C8orf34: variants seen among roughly 807,000 people sequenced by gnomAD.
C8orf34 encodes uncharacterized protein C8orf34.
A neutral mutation model predicts 68.3 loss-of-function variants in C8orf34; 65 were observed. The observed-to-expected ratio is 0.95, with a 90% confidence interval of 0.78 to 1.17. C8orf34 has a LOEUF of 1.17. Ranked by LOEUF, C8orf34 falls within the 50% of genes most tolerant of loss-of-function variation. The pLI is 0.00. For synonymous variants in C8orf34, 244 were observed against 241.2 expected (o/e 1.01, Z -0.11); for missense variants, 664 against 655.4 (o/e 1.01, Z -0.14).
At chr8:68,790,516 A>G (rs1276470060) in intron 12 of C8orf34, among the ~76,000 whole-genome samples, 1 of 152,252 alleles carries the variant, frequency 6.6e-6, no homozygotes, top group African/African-American at 2.4e-5. Flanking sequence ...TAAAAATAAG[A>G]CTTAGCTCAA....
intron 3 of C8orf34, among the ~76,000 whole-genome samples, chr8:68,463,615 T>C (rs1047809481): frequency 6.6e-6 from 1 of 152,300 alleles, no homozygotes; most frequent in East Asian, 1.9e-4. Context: ...GCTTCATCCC[T>C]GGGATGCAAG....
In C8orf34 at chr8:68,776,404, A is replaced by G; in HGVS notation, c.1410A>G (p.Glu470=). ...CTCTTCCTCTTTACTTCTAGGGAGAAGCCTCCAGTGGAGTAGGACACTCAC... is the reference window on the plus strand; with the variant it reads ...CTCTTCCTCTTTACTTCTAGGGAGAGGCCTCCAGTGGAGTAGGACACTCAC... ...EKASKLTGPG[E]ASSGVGHSLK... The change falls in exon 11 of 14, where the codon GAA becomes GAG. Residue 470 remains glutamate (E), a synonymous_variant. Coordinates refer to ENST00000518698, the MANE Select transcript of C8orf34 (RefSeq NM_052958.4). The G allele has an allele frequency of 6.2e-7, 1 of 1,612,720 alleles. No homozygotes were observed. Among genetic ancestry groups the G allele is most frequent in the Non-Finnish European group, 8.5e-7 (1 of 1,178,928 alleles).
intron 12 of C8orf34, among the ~76,000 whole-genome samples, chr8:68,794,507 T>TATATATATATATATATATATACATA (rs1585894787): frequency 1.4e-5 from 1 of 69,282 alleles, no homozygotes. Flanking sequence ...ATATATATAT[T>TATATATATATATATATATATACATA]TTTTTTTTTT....
intron 4 of C8orf34, among the ~76,000 whole-genome samples, chr8:68,480,661 G>C (rs1303314701): frequency 6.6e-6 from 1 of 152,186 alleles, no homozygotes; most frequent in Non-Finnish European, 1.5e-5. Flanking sequence ...TGAGGAACTT[G>C]TTGGGAACTG....
At chr8:68,361,325 G>A (rs906032912) in intron 1 of C8orf34, among the ~76,000 whole-genome samples, 5 of 152,150 alleles carry the variant, frequency 3.3e-5, no homozygotes, top group African/African-American at 7.2e-5. Flanking sequence ...GCCTTTGTAC[G>A]CTGCATGGAC....
chr8:68,342,461 T>G (rs982442013), intron 1 of C8orf34, among the ~76,000 whole-genome samples: 1 of 152,142 alleles, frequency 6.6e-6, no homozygotes, highest in Non-Finnish European at 1.5e-5. Flanking sequence ...TAAGATCTAT[T>G]TATAGAATAC....
At chr8:68,357,953 G>A (rs149471867) in intron 1 of C8orf34, among the ~76,000 whole-genome samples, 186 of 152,084 alleles carry the variant, frequency 1.2e-3, no homozygotes, top group Non-Finnish European at 2.2e-3. Context: ...CCATTATCAT[G>A]GGCATTTATA....
At chr8:68,762,647 A>T (rs970030510) in intron 10 of C8orf34, among the ~76,000 whole-genome samples, 2 of 152,188 alleles carry the variant, frequency 1.3e-5, no homozygotes, top group African/African-American at 4.8e-5. Flanking sequence ...CATGTTCAGT[A>T]AGACCTCAAA....
chr8:68,804,995 G>A (rs1448299526), intron 12 of C8orf34, among the ~76,000 whole-genome samples: 3 of 152,158 alleles, frequency 2.0e-5, no homozygotes, highest in African/African-American at 7.2e-5. Context: ...GTCCCCTGAA[G>A]CAAAGAACTT....
intron 10 of C8orf34, among the ~76,000 whole-genome samples, chr8:68,770,443 A>G (rs1405974285): frequency 1.3e-5 from 2 of 152,258 alleles, no homozygotes; most frequent in African/African-American, 4.8e-5. Context: ...TCAATGGTAA[A>G]TGGATCTTTC....
intron 1 of C8orf34, among the ~76,000 whole-genome samples, chr8:68,399,478 CA>C (rs1299502058): frequency 2.0e-5 from 3 of 152,176 alleles, no homozygotes; most frequent in African/African-American, 7.2e-5. Context: ...TATGTCACTG[CA>C]AAAGACATGG....
chr8:68,465,278 A>G (rs1273914454), intron 3 of C8orf34, among the ~76,000 whole-genome samples: 1 of 151,318 alleles, frequency 6.6e-6, no homozygotes, highest in South Asian at 2.1e-4. Context: ...TTAGAATGGC[A>G]ATCATTAAAA....
chr8:68,641,300 A>T (rs1819002959), intron 8 of C8orf34, among the ~76,000 whole-genome samples: 1 of 152,218 alleles, frequency 6.6e-6, no homozygotes, highest in Non-Finnish European at 1.5e-5. Flanking sequence ...AAGCGTAGGA[A>T]AATCAAACCA....
intron 9 of C8orf34, among the ~76,000 whole-genome samples, chr8:68,720,629 A>G (rs1821643251): frequency 6.6e-6 from 1 of 151,848 alleles, no homozygotes; most frequent in South Asian, 2.1e-4. Flanking sequence ...AAGGAGTTCA[A>G]ACTCAACTAA....
chr8:68,790,676 G>T (rs973287955), intron 12 of C8orf34: 2 of 435,586 alleles, frequency 4.6e-6, no homozygotes, highest in African/African-American at 4.1e-5. Flanking sequence ...AAATTCAAGT[G>T]TGAAAAAACT....
chr8:68,677,647 T>C (rs534043578), intron 8 of C8orf34, among the ~76,000 whole-genome samples: 1 of 152,182 alleles, frequency 6.6e-6, no homozygotes, highest in Non-Finnish European at 1.5e-5. Context: ...TGAGCCACCA[T>C]GCCTGGCCCT....
chr8:68,390,515 C>T (rs1808437564), intron 1 of C8orf34, among the ~76,000 whole-genome samples: 1 of 152,132 alleles, frequency 6.6e-6, no homozygotes, highest in Non-Finnish European at 1.5e-5. Context: ...TTATGTATCA[C>T]ATACAATTCA....
chr8:68,763,363 A>G (rs1241071798), intron 10 of C8orf34, among the ~76,000 whole-genome samples: 1 of 151,786 alleles, frequency 6.6e-6, no homozygotes, highest in Non-Finnish European at 1.5e-5. Context: ...TTTGACTTTT[A>G]TTTCTTCTCA....
At chr8:68,412,377 T>C (rs1159149738) in intron 1 of C8orf34, among the ~76,000 whole-genome samples, 1 of 152,204 alleles carries the variant, frequency 6.6e-6, no homozygotes, top group Non-Finnish European at 1.5e-5. Flanking sequence ...AGTTCTAATA[T>C]AGAGGAAAGG....
Sources: allele counts gnomAD v4.1 joint callset (sites outside exome capture counted in the v4.1 genomes callset), GRCh38; gene constraint gnomAD v4.1.1; transcripts MANE v1.5; gene names NCBI Gene and HGNC (gene_info 2026-07-23, HGNC 2026-07-21).